ATP11A: variants seen among roughly 807,000 people sequenced by gnomAD.
ATP11A encodes the protein phospholipid-transporting ATPase IH.
Under a neutral mutation model 154.4 loss-of-function variants are expected in ATP11A, and 81 were observed. The ratio of observed to expected loss-of-function variants is 0.52; its 90% CI spans 0.44 to 0.63. The LOEUF is 0.63. ATP11A is among the 30% of genes least tolerant of loss of function. ATP11A has a pLI of 0.00. For synonymous variants in ATP11A, 623 were observed against 585.9 expected (o/e 1.06, Z -0.91); for missense variants, 1,316 against 1,474.3 (o/e 0.89, Z 1.76).
intron 1 of ATP11A, among the ~76,000 whole-genome samples, chr13:112,773,125 C>T (rs1019016891): frequency 6.6e-5 from 10 of 152,120 alleles, no homozygotes; most frequent in Non-Finnish European, 1.3e-4. Context: ...TGTGCCATGG[C>T]CCATCCATCT....
intron 1 of ATP11A, among the ~76,000 whole-genome samples, chr13:112,781,813 C>T (rs923766052): frequency 1.6e-5 from 2 of 123,574 alleles, no homozygotes; most frequent in Non-Finnish European, 3.5e-5. Context: ...AGAATTTGAA[C>T]ATTTGTGGAG....
chr13:112,767,953 A>T (rs2077136118), intron 1 of ATP11A, among the ~76,000 whole-genome samples: 1 of 151,956 alleles, frequency 6.6e-6, no homozygotes, highest in African/African-American at 2.4e-5. Flanking sequence ...TCACTTCCCC[A>T]CCAAGCGCTG....
chr13:112,860,341 C>G lies in ATP11A; in HGVS notation c.2782C>G (p.Pro928Ala). 1 of 1,614,210 alleles carries G rather than the reference C, an allele frequency of 6.2e-7. No homozygotes were observed. The highest frequency in any genetic ancestry group is 8.5e-7 in the Non-Finnish European group (1 of 1,180,036). ...TLYNISFTSL[P>A]ILLYSLMEQH... ...CTACAACATCAGCTTCACCTCCCTC[C>G]CCATCCTCCTGTACAGCCTCATGGA... is the stretch of plus-strand genomic sequence containing the variant. Residue 928 changes from proline to alanine, a missense_variant, in exon 24 of 30, where the codon CCC (proline) becomes GCC (alanine). Around this residue, in one of 5 missense-constraint regions of ATP11A, gnomAD observed 294 missense variants for 290.2 expected, o/e 1.01. Transcript: ENST00000375645.
intron 11 of ATP11A, among the ~76,000 whole-genome samples, chr13:112,826,316 GT>G (rs1466193019): frequency 6.6e-6 from 1 of 152,250 alleles, no homozygotes; most frequent in Non-Finnish European, 1.5e-5. Flanking sequence ...TTTTACATCT[GT>G]AGGTTGTTAC....
chr13:112,882,883 G>A lies in ATP11A; in HGVS notation c.*1017G>A. On this transcript the variant is annotated 3_prime_UTR_variant, in exon 30 of 30. Coordinates refer to ENST00000375645, the MANE Select transcript of ATP11A (RefSeq NM_015205.3). This position sits in a 1 kb window ranked among gnomAD's most constrained non-coding sequence, Gnocchi z 5.1. ...ACACCAAGGTGGTGTTCGTGCACCA[G>A]AACCTGTCTCGGGCTGACGGGGGTG... 1 of 398,912 alleles carries A rather than the reference G, an allele frequency of 2.5e-6. No individual in the cohort carries two copies. Among genetic ancestry groups the A allele is most frequent in the Non-Finnish European group, 4.4e-6 (1 of 226,294 alleles). The allele number at this position is 398,912 out of a possible 1,614,324, so 24.7% of individuals were successfully genotyped here.
At chr13:112,820,391 T>G (rs2078767301) in intron 8 of ATP11A, among the ~76,000 whole-genome samples, 1 of 152,232 alleles carries the variant, frequency 6.6e-6, no homozygotes, top group Non-Finnish European at 1.5e-5. Context: ...GGTGCATTAC[T>G]GGCTCAAGGC....
chr13:112,871,490 GC>G (rs1450330049), intron 25 of ATP11A, among the ~76,000 whole-genome samples: 1 of 152,186 alleles, frequency 6.6e-6, no homozygotes, highest in East Asian at 1.9e-4. Flanking sequence ...CAGGCTCTGA[GC>G]CCATCACCAA....
chr13:112,822,489 G>A (rs1162268357), intron 8 of ATP11A, among the ~76,000 whole-genome samples: 1 of 152,152 alleles, frequency 6.6e-6, no homozygotes, highest in African/African-American at 2.4e-5. Flanking sequence ...GAGCTTTGCA[G>A]TGTGGCTACC....
At chr13:112,834,468 T>C (rs282613) in intron 14 of ATP11A, 121 bp from the exon 15 acceptor site, 211,645 of 483,868 alleles carry the variant, frequency 0.44, 35,522 homozygotes, top group African/African-American at 0.61. Flanking sequence ...TTATAATCTC[T>C]GTTTAACTGA....
intron 1 of ATP11A, among the ~76,000 whole-genome samples, chr13:112,775,566 G>C (rs2077328210): frequency 6.6e-6 from 1 of 152,162 alleles, no homozygotes; most frequent in African/African-American, 2.4e-5. Context: ...ACTTTCAAAT[G>C]ACTTATATAA....
intron 1 of ATP11A, among the ~76,000 whole-genome samples, chr13:112,782,186 G>A (rs1030649787): frequency 6.6e-6 from 1 of 152,264 alleles, no homozygotes; most frequent in East Asian, 1.9e-4. Flanking sequence ...CTTTGGAGTG[G>A]GCTTCATCCA....
rs1387394606 is a variant in ATP11A at position 112,826,696 on chromosome 13, C to T, written c.1026C>T (p.Phe342=). ...ACCCGCACCTTCTGCTCTTGCAGTT[C>T]CTCAAGGCATTCACGGACTTCCTGG... ...KTESERQRNL[F]LKAFTDFLAF... is the part of the protein sequence containing the mutation. Residue 342 remains phenylalanine, a splice_region_variant and synonymous_variant, in exon 12 of 30, where the codon TTC becomes TTT. Transcript: ENST00000375645. 6.2e-7 allele frequency: 1 copy of T among 1,614,098 alleles called. No individual in the cohort carries two copies. The highest frequency in any genetic ancestry group is 2.2e-5 in the East Asian group (1 of 44,886).
At chr13:112,782,558 G>A (rs2077525692) in intron 1 of ATP11A, among the ~76,000 whole-genome samples, 1 of 152,228 alleles carries the variant, frequency 6.6e-6, no homozygotes, top group Non-Finnish European at 1.5e-5. Context: ...AGCCTTTATA[G>A]GCAGCAGTTT....
At chr13:112,692,512 G>A (rs766184199) in intron 1 of ATP11A, among the ~76,000 whole-genome samples, 23 of 152,126 alleles carry the variant, frequency 1.5e-4, no homozygotes, top group Non-Finnish European at 3.1e-4. Flanking sequence ...AAGTGTTTGC[G>A]TAGCTTGCAT....
intron 2 of ATP11A, among the ~76,000 whole-genome samples, chr13:112,796,714 A>G (rs1216816049): frequency 6.6e-6 from 1 of 152,208 alleles, no homozygotes. Context: ...CACCTGTCCT[A>G]ACTACTTTGG....
rs1885002192 is a variant in ATP11A, at chr13:112,690,378, G to T, written c.-39G>T. 2 of 1,263,708 alleles carry T rather than the reference G, an allele frequency of 1.6e-6. No individual in the cohort carries two copies. The highest frequency in any genetic ancestry group is 3.0e-5 in the East Asian group (1 of 33,042). 78.3% of individuals were successfully genotyped at this position (1,263,708 alleles called of 1,614,324 possible). A position where few individuals can be genotyped will look rare whatever the true frequency, so the allele number is the denominator to read the frequency against. ...CCATGGGCGCGCCGAGCCGGGCGCGGGGGCGCTGAACGGCGGAGCGGGAGC... is the reference window on the plus strand; with the variant it reads ...CCATGGGCGCGCCGAGCCGGGCGCGTGGGCGCTGAACGGCGGAGCGGGAGC... On this transcript the variant is annotated 5_prime_UTR_variant, in exon 1 of 30. Coordinates refer to ENST00000375645, the MANE Select transcript of ATP11A (RefSeq NM_015205.3). The surrounding 1 kb of genome is among the most constrained non-coding windows in gnomAD (Gnocchi z 5.6).
chr13:112,734,530 C>T (rs1013995168), intron 1 of ATP11A, among the ~76,000 whole-genome samples: 15 of 152,142 alleles, frequency 9.9e-5, no homozygotes, highest in East Asian at 7.7e-4. Context: ...CATCAACCGC[C>T]GAGGAACTGC....
chr13:112,755,229 C>T (rs558781931), intron 1 of ATP11A, among the ~76,000 whole-genome samples: 2 of 152,298 alleles, frequency 1.3e-5, no homozygotes, highest in East Asian at 1.9e-4. Flanking sequence ...GCAGGCTGCA[C>T]GTGGACTGGG....
intron 1 of ATP11A, among the ~76,000 whole-genome samples, chr13:112,736,461 C>T (rs969727582): frequency 3.9e-5 from 6 of 152,158 alleles, no homozygotes; most frequent in African/African-American, 1.4e-4. Context: ...AGCAACGAAG[C>T]GTTATCTTAC....
Sources: allele counts gnomAD v4.1 joint callset (sites outside exome capture counted in the v4.1 genomes callset), GRCh38; gene constraint gnomAD v4.1.1; regional missense constraint gnomAD v4.1.1; non-coding constraint Gnocchi (gnomAD v3.1); transcripts MANE v1.5; gene names NCBI Gene and HGNC (gene_info 2026-07-23, HGNC 2026-07-21).